Variants in DENND2A observed in about 807,000 individuals in gnomAD.
The protein encoded by DENND2A is DENN domain containing 2A.
In DENND2A, 53 loss-of-function variants were observed where a neutral mutation model predicts 105.3. The ratio of observed to expected loss-of-function variants is 0.50; its 90% CI spans 0.40 to 0.63. DENND2A has a LOEUF of 0.63. Ranked by LOEUF, DENND2A falls within the 30% of genes least tolerant of loss-of-function variation. DENND2A has a pLI of 0.00. For synonymous variants in DENND2A, 522 were observed against 508.4 expected (o/e 1.03, Z -0.36); for missense variants, 1,138 against 1,279.6 (o/e 0.89, Z 1.69).
At chr7:140,553,364 A>T (rs1797218262) in intron 12 of DENND2A, among the ~76,000 whole-genome samples, 2 of 152,232 alleles carry the variant, frequency 1.3e-5, no homozygotes, top group Admixed American at 1.3e-4. Context: ...CTCCAGCCCT[A>T]AGGCGGTTTT....
At chr7:140,581,476 C>T (rs916641762) in intron 5 of DENND2A, among the ~76,000 whole-genome samples, 1 of 152,126 alleles carries the variant, frequency 6.6e-6, no homozygotes, top group Admixed American at 6.6e-5. Flanking sequence ...ATGAACATCC[C>T]AAAGATGGCT....
intron 14 of DENND2A, among the ~76,000 whole-genome samples, chr7:140,535,943 T>C (rs1796440491): frequency 6.6e-6 from 1 of 152,086 alleles, no homozygotes; most frequent in South Asian, 2.1e-4. Context: ...GGCCAGGAGC[T>C]GGAAACAGGA....
Position 140,522,101 on chromosome 7 carries a change from C to T in DENND2A, c.2666-1G>A. 6.2e-7 allele frequency: 1 copy of T among 1,613,998 alleles called. No homozygotes were observed. Among genetic ancestry groups the T allele is most frequent in the Non-Finnish European group, 8.5e-7 (1 of 1,179,950 alleles). Reference sequence around the variant, plus strand: ...TCGTTCAAGGGGCTGGACTCTGGACCTGAGTAAGGGGAGGAAAGGCCAGGA... The same window carrying T: ...TCGTTCAAGGGGCTGGACTCTGGACTTGAGTAAGGGGAGGAAAGGCCAGGA... On this transcript the variant is annotated splice_acceptor_variant, in intron 17 of 19. Transcript: ENST00000496613. LOFTEE classifies it high-confidence loss of function.
chr7:140,557,594 C>T (rs368923113), intron 11 of DENND2A, among the ~76,000 whole-genome samples: 5,023 of 108,842 alleles, frequency 0.046, 388 homozygotes, highest in African/African-American at 0.16. Context: ...GGCTGGAGTG[C>T]AGTGGCGCGA....
intron 3 of DENND2A, among the ~76,000 whole-genome samples, chr7:140,593,632 G>C (rs1160931053): frequency 6.6e-6 from 1 of 152,170 alleles, no homozygotes; most frequent in Admixed American, 6.5e-5. Context: ...TCCTTGCCCA[G>C]TGTTGCCATC....
chr7:140,519,657 A>AC lies in DENND2A; in HGVS notation c.2972dup (p.Val992CysfsTer3). Reference sequence around the variant, plus strand: ...CTAGTCCCTTCAGGAACTTATTGACACCGCTGTGCTCTCCACTGGGGAGTG... The same window carrying AC: ...CTAGTCCCTTCAGGAACTTATTGACACCCGCTGTGCTCTCCACTGGGGAGTG... On this transcript the variant is annotated frameshift_variant, in exon 19 of 20. Transcript: ENST00000496613. LOFTEE classifies it high-confidence loss of function. 6.2e-7 allele frequency: 1 copy of AC among 1,613,940 alleles called. No homozygotes were observed. The highest frequency in any genetic ancestry group is 8.5e-7 in the Non-Finnish European group (1 of 1,179,974).
intron 14 of DENND2A, among the ~76,000 whole-genome samples, chr7:140,532,799 AG>A (rs772178358): frequency 6.6e-6 from 1 of 152,086 alleles, no homozygotes; most frequent in Non-Finnish European, 1.5e-5. Flanking sequence ...CTGAGGTGGG[AG>A]GATCTCTTGA....
chr7:140,627,237 A>G (rs954475368), intron 1 of DENND2A, among the ~76,000 whole-genome samples: 2 of 151,926 alleles, frequency 1.3e-5, no homozygotes, highest in Admixed American at 1.3e-4. Context: ...TTTGAGATGG[A>G]CTCTTGCTCT....
chr7:140,573,758 C>T (rs778897934), intron 6 of DENND2A, 50 bp downstream of exon 6: 5 of 1,581,960 alleles, frequency 3.2e-6, no homozygotes, highest in Non-Finnish European at 4.3e-6. Context: ...TCTTCTTTCA[C>T]AGAGAAGGGG....
intron 11 of DENND2A, among the ~76,000 whole-genome samples, chr7:140,555,964 T>C (rs1797349450): frequency 6.6e-6 from 1 of 152,190 alleles, no homozygotes; most frequent in Non-Finnish European, 1.5e-5. Flanking sequence ...TTCTGAAAAC[T>C]CAGTTTTAAG....
rs188944479 is a variant in DENND2A, at chr7:140,567,411, T to C, written c.1592-138A>G. On this transcript the variant is annotated intron_variant, in intron 8 of 19. Transcript: ENST00000496613. ...GGAATTGTGCCGAGCTGCAATAGGT[T>C]ATGTAATTATCAGCTCAAGTACTTT... 1.6e-3 allele frequency: 1,141 copies of C among 712,872 alleles called. 7 individuals carry two copies. Among genetic ancestry groups the C allele is most frequent in the Non-Finnish European group, 7.8e-4 (359 of 458,982 alleles). 44.2% of individuals were successfully genotyped at this position (712,872 alleles called of 1,614,324 possible).
chr7:140,590,070 C>T (rs1466134464), intron 3 of DENND2A, among the ~76,000 whole-genome samples: 4 of 152,154 alleles, frequency 2.6e-5, no homozygotes, highest in African/African-American at 9.7e-5. Context: ...CTCCAAATCT[C>T]AGCGGATGAC....
intron 1 of DENND2A, among the ~76,000 whole-genome samples, chr7:140,621,857 T>C (rs1037487298): frequency 6.6e-6 from 1 of 152,062 alleles, no homozygotes; most frequent in Non-Finnish European, 1.5e-5. Context: ...TGAATTTCGT[T>C]TGGGGTACGT....
In DENND2A at chr7:140,523,352, C is replaced by G; in HGVS notation, c.2620G>C (p.Glu874Gln). 2 of 1,614,170 alleles carry G rather than the reference C, an allele frequency of 1.2e-6. No homozygotes were observed. The highest frequency in any genetic ancestry group is 1.1e-5 in the South Asian group (1 of 91,078). The change falls in exon 17 of 20, where the codon GAG becomes CAG. Residue 874 changes from glutamate to glutamine, a missense_variant. Glu to Gln is a conservative substitution (Grantham distance 29, BLOSUM62 2). Around this residue, in one of 2 missense-constraint regions of DENND2A, gnomAD observed 627 missense variants for 779.8 expected, o/e 0.80. Transcript: ENST00000496613. This position sits in a 1 kb window ranked among gnomAD's most constrained non-coding sequence, Gnocchi z 4.5. ...ALEHILEQRN[E>Q]LACEQDEGPL... The stretch of plus-strand genomic sequence containing the variant: ...CCTTCGTCCTGCTCACAAGCCAGCT[C>G]GTTCCTCTGTTCCAGAATGTGTTCC...
At chr7:140,528,332 C>G (rs1018898796) in intron 14 of DENND2A, among the ~76,000 whole-genome samples, 9 of 152,170 alleles carry the variant, frequency 5.9e-5, no homozygotes, top group Non-Finnish European at 1.3e-4. Context: ...TTCAGCTGAG[C>G]ATGAACACCT....
intron 14 of DENND2A, among the ~76,000 whole-genome samples, chr7:140,543,364 C>G (rs1207652025): frequency 6.7e-6 from 1 of 149,650 alleles, no homozygotes; most frequent in Non-Finnish European, 1.5e-5. Context: ...CAAACTACTT[C>G]CCTCAAGCAG....
Position 140,597,907 on chromosome 7 carries a change from T to G in DENND2A, c.995+3496A>C, listed in dbSNP as rs1410964996. On this transcript the variant is annotated intron_variant, in intron 3 of 19. Coordinates refer to ENST00000496613, the MANE Select transcript of DENND2A (RefSeq NM_015689.5). ...ATTTATTATTGGAGATGGATTCAGA[T>G]TTTCTCAGAACATAAAGAAGGAAGC... 2.6e-5 allele frequency among the ~76,000 whole-genome samples: 4 copies of G among 152,236 alleles called. No homozygotes were observed. In the East Asian group the frequency reaches 7.7e-4, roughly 29 times the overall value.
chr7:140,523,266 G>C lies in DENND2A; in HGVS notation c.2665+41C>G. On this transcript the variant is annotated intron_variant, in intron 17 of 19. Transcript: ENST00000496613. The surrounding 1 kb of genome is among the most constrained non-coding windows in gnomAD (Gnocchi z 4.5). ...GCCCATTTGTTCCCTGACCCTCAGAGTGGAAGGGAGAGACCCACTGGGAGG... is the reference window on the plus strand; with the variant it reads ...GCCCATTTGTTCCCTGACCCTCAGACTGGAAGGGAGAGACCCACTGGGAGG... The C allele has an allele frequency of 6.3e-7, 1 of 1,594,888 alleles. No individual in the cohort carries two copies. The highest frequency in any genetic ancestry group is 8.6e-7 in the Non-Finnish European group (1 of 1,162,494).
intron 3 of DENND2A, among the ~76,000 whole-genome samples, chr7:140,595,300 C>T (rs1799237758): frequency 6.6e-6 from 1 of 152,128 alleles, no homozygotes. Context: ...AGCCACCATG[C>T]CTGGCCCCGT....
Sources: gnomAD v4.1 joint callset for allele counts (sites outside exome capture counted in the v4.1 genomes callset) on GRCh38, gnomAD v4.1.1 for gene constraint, gnomAD v4.1.1 regional missense constraint, Gnocchi (gnomAD v3.1) non-coding constraint, MANE v1.5 for transcripts, NCBI Gene and HGNC (gene_info 2026-07-23, HGNC 2026-07-21) for gene names.